CIMIP7: variants seen among roughly 807,000 people sequenced by gnomAD.
CIMIP7 encodes uncharacterized protein C3orf84.
the CIMIP7 span, among the ~76,000 whole-genome samples, chr3:49,186,816 A>G: frequency 6.6e-6 from 1 of 152,238 alleles, no homozygotes; most frequent in African/African-American, 2.4e-5. Context: ...ATCAATGTCA[A>G]TGTCCTTGTT....
chr3:49,191,711 C>G, the CIMIP7 span: 1 of 1,594,222 alleles, frequency 6.3e-7, no homozygotes, highest in Non-Finnish European at 8.5e-7. Flanking sequence ...ACCAGAGGGC[C>G]AGGGGCCAGG....
the CIMIP7 span, among the ~76,000 whole-genome samples, chr3:49,183,405 G>C: frequency 1.3e-5 from 2 of 152,140 alleles, no homozygotes; most frequent in East Asian, 3.8e-4. Flanking sequence ...ACATGCAGCC[G>C]GGCGCGGTGG....
chr3:49,178,416 T>C, the CIMIP7 span: 6 of 1,460,070 alleles, frequency 4.1e-6, no homozygotes, highest in Non-Finnish European at 5.7e-6. Flanking sequence ...CCCTACCATC[T>C]GCTCTGTCCA....
the CIMIP7 span, among the ~76,000 whole-genome samples, chr3:49,183,410 C>T: frequency 7.2e-5 from 11 of 152,186 alleles, no homozygotes; most frequent in African/African-American, 1.9e-4. Context: ...CAGCCGGGCG[C>T]GGTGGCTCAT....
At chr3:49,182,718 G>A in the CIMIP7 span, among the ~76,000 whole-genome samples, 5 of 152,170 alleles carry the variant, frequency 3.3e-5, no homozygotes, top group Admixed American at 6.5e-5. Context: ...AGCAGGGGGC[G>A]GCGCTTGTTG....
chr3:49,181,835 C>T, the CIMIP7 span, among the ~76,000 whole-genome samples: 1 of 152,322 alleles, frequency 6.6e-6, no homozygotes, highest in East Asian at 1.9e-4. Context: ...TCACTGACAT[C>T]AAGACTGAAG....
At chr3:49,189,936 C>T in the CIMIP7 span, 2 of 927,096 alleles carry the variant, frequency 2.2e-6, no homozygotes, top group Non-Finnish European at 1.8e-6. Context: ...GTCAGTACAG[C>T]CATGGAAGGG....
At chr3:49,185,413 A>C in the CIMIP7 span, among the ~76,000 whole-genome samples, 1 of 150,472 alleles carries the variant, frequency 6.6e-6, no homozygotes, top group Non-Finnish European at 1.5e-5. Flanking sequence ...AAAAATAAAA[A>C]AAATTAGCTG....
the CIMIP7 span, among the ~76,000 whole-genome samples, chr3:49,185,638 T>C: frequency 6.6e-6 from 1 of 151,268 alleles, no homozygotes; most frequent in South Asian, 2.1e-4. Flanking sequence ...ACCATCACAG[T>C]CAACTGTGGT....
chr3:49,189,209 T>C, the CIMIP7 span, among the ~76,000 whole-genome samples: 2 of 152,164 alleles, frequency 1.3e-5, no homozygotes, highest in South Asian at 2.1e-4. Context: ...CCTCAGGTGA[T>C]CCTCCCACCT....
At chr3:49,191,790 G>A in the CIMIP7 span, 3 of 1,548,248 alleles carry the variant, frequency 1.9e-6, no homozygotes, top group Non-Finnish European at 2.6e-6. Flanking sequence ...GAAGGGAGCA[G>A]AAAAGGCAAA....
the CIMIP7 span, chr3:49,177,849 C>T: frequency 1.2e-6 from 2 of 1,613,366 alleles, no homozygotes; most frequent in Non-Finnish European, 1.7e-6. Flanking sequence ...TATGGGAAGG[C>T]TGGACCTGCA....
the CIMIP7 span, chr3:49,178,603 GA>G: frequency 7.1e-7 from 1 of 1,415,820 alleles, no homozygotes; most frequent in South Asian, 1.2e-5. Flanking sequence ...CCCTTACCTG[GA>G]TCACTGCCTC....
the CIMIP7 span, among the ~76,000 whole-genome samples, chr3:49,190,456 A>T: frequency 1.3e-5 from 2 of 151,832 alleles, no homozygotes; most frequent in Non-Finnish European, 1.5e-5. Context: ...GTCCTTCCCT[A>T]AAGAGCCTGA....
chr3:49,182,704 A>T, the CIMIP7 span, among the ~76,000 whole-genome samples: 1 of 152,054 alleles, frequency 6.6e-6, no homozygotes, highest in Non-Finnish European at 1.5e-5. Context: ...ACTGGATGCC[A>T]TGGAGCAGGG....
the CIMIP7 span, chr3:49,190,081 C>G: frequency 5.0e-6 from 8 of 1,612,378 alleles, no homozygotes; most frequent in South Asian, 8.8e-5. Flanking sequence ...AGGTGGTATT[C>G]TCTAGCACTT....
At chr3:49,179,875 C>T in the CIMIP7 span, among the ~76,000 whole-genome samples, 1 of 152,144 alleles carries the variant, frequency 6.6e-6, no homozygotes, top group Non-Finnish European at 1.5e-5. Context: ...CGGTGGCTCA[C>T]ACCTGTAATC....
the CIMIP7 span, among the ~76,000 whole-genome samples, chr3:49,181,404 ACT>A: frequency 4.0e-5 from 6 of 151,428 alleles, no homozygotes; most frequent in African/African-American, 1.5e-4. Flanking sequence ...TAATCCCAGG[ACT>A]TTGAGAGGCC....
the CIMIP7 span, among the ~76,000 whole-genome samples, chr3:49,189,076 T>C: frequency 6.6e-6 from 1 of 151,938 alleles, no homozygotes; most frequent in Non-Finnish European, 1.5e-5. Context: ...TTCAAGCCAT[T>C]CTCCTGCCTT....
Sources: allele counts gnomAD v4.1 joint callset (sites outside exome capture counted in the v4.1 genomes callset), GRCh38; gene constraint gnomAD v4.1.1; transcripts MANE v1.5; gene names NCBI Gene and HGNC (gene_info 2026-07-23, HGNC 2026-07-21).